EYS: variants seen among roughly 807,000 people sequenced by gnomAD.
EYS encodes the protein EGF-like photoreceptor maintenance factor.
A neutral mutation model predicts 282.1 loss-of-function variants in EYS; 250 were observed. The observed-to-expected ratio is 0.89, with a 90% confidence interval of 0.80 to 0.98. EYS has a LOEUF of 0.98. Among genes scored for constraint, EYS ranks in the 50% least tolerant of loss-of-function variants. EYS has a pLI of 0.00. For synonymous variants in EYS, 1,355 were observed against 1,282.9 expected, an observed-to-expected ratio of 1.06 and a Z score of -1.20; for missense variants, 4,016 against 3,709.0, an observed-to-expected ratio of 1.08 and a Z score of -2.15.
intron 26 of EYS, among the ~76,000 whole-genome samples, chr6:64,520,958 G>C (rs907621970): frequency 6.6e-6 from 1 of 151,718 alleles, no homozygotes; most frequent in African/African-American, 2.4e-5. Flanking sequence ...CAAGTTATTT[G>C]AGCAGAGATA....
At chr6:64,273,764 T>G (rs1768019476) in intron 30 of EYS, among the ~76,000 whole-genome samples, 1 of 152,202 alleles carries the variant, frequency 6.6e-6, no homozygotes, top group Non-Finnish European at 1.5e-5. Context: ...TCTACTTGCA[T>G]GCTTTCTATT....
chr6:64,404,277 T>C (rs1029985785), intron 28 of EYS, among the ~76,000 whole-genome samples: 5 of 152,170 alleles, frequency 3.3e-5, no homozygotes, highest in African/African-American at 9.7e-5. Flanking sequence ...GCATACTCAT[T>C]TGAAACCATA....
chr6:64,637,184 G>A lies in EYS; in HGVS notation c.3444-10939C>T, dbSNP rs1220001951. 3.7e-4 allele frequency among the ~76,000 whole-genome samples: 34 copies of A among 91,836 alleles called. 8 individuals are homozygous for A. Among genetic ancestry groups the A allele is most frequent in the Admixed American group, 1.0e-3 (9 of 8,572 alleles). 60.2% of individuals were successfully genotyped at this position (91,836 alleles called of 152,430 possible). On this transcript the variant is annotated intron_variant, in intron 22 of 42. Coordinates refer to ENST00000503581, the MANE Select transcript of EYS (RefSeq NM_001142800.2). ...CACTATTCACAATAGCAAAGACTTG[G>A]AACCAACCCAAATGTCCAACAATGA...
chr6:65,615,826 T>C (rs1431689462), intron 2 of EYS, among the ~76,000 whole-genome samples: 2 of 151,372 alleles, frequency 1.3e-5, no homozygotes, highest in African/African-American at 2.4e-5. Flanking sequence ...CCCAGCTACT[T>C]GGGAGGCTGA....
chr6:64,917,064 T>C (rs1209488964), intron 15 of EYS, among the ~76,000 whole-genome samples: 2 of 152,018 alleles, frequency 1.3e-5, no homozygotes, highest in Non-Finnish European at 2.9e-5. Context: ...TCCTGGTCAA[T>C]ATGGTGAAAC....
chr6:64,987,168 C>T (rs988879471), intron 14 of EYS, among the ~76,000 whole-genome samples: 4 of 151,476 alleles, frequency 2.6e-5, no homozygotes, highest in Non-Finnish European at 4.4e-5. Context: ...GTATTTCAAT[C>T]TCTGTGGCTA....
chr6:63,910,041 T>C (rs953212393), intron 35 of EYS, among the ~76,000 whole-genome samples: 3 of 152,066 alleles, frequency 2.0e-5, no homozygotes, highest in Non-Finnish European at 4.4e-5. Flanking sequence ...ATATTGTTGC[T>C]TAAGGGGTGG....
At chr6:65,246,073 G>C (rs188310936) in intron 12 of EYS, among the ~76,000 whole-genome samples, 1 of 152,036 alleles carries the variant, frequency 6.6e-6, no homozygotes, top group African/African-American at 2.4e-5. Flanking sequence ...CAATGTGAAA[G>C]ATACACAAAA....
At chr6:64,955,791 C>T (rs1562274806) in intron 14 of EYS, among the ~76,000 whole-genome samples, 2 of 152,254 alleles carry the variant, frequency 1.3e-5, no homozygotes, top group South Asian at 4.1e-4. Context: ...GCAGAACCTA[C>T]GAAAGGCTTT....
chr6:64,871,573 T>C (rs1176363085), intron 19 of EYS, among the ~76,000 whole-genome samples: 8 of 151,786 alleles, frequency 5.3e-5, no homozygotes, highest in African/African-American at 1.9e-4. Context: ...GACAACAGAG[T>C]AAAAGAAATG....
At chr6:65,476,796 C>G (rs1765424867) in intron 5 of EYS, among the ~76,000 whole-genome samples, 1 of 152,196 alleles carries the variant, frequency 6.6e-6, no homozygotes, top group African/African-American at 2.4e-5. Context: ...AGGATGGTCT[C>G]AATCTCTTGA....
intron 19 of EYS, among the ~76,000 whole-genome samples, chr6:64,835,881 G>A (rs1765367506): frequency 1.3e-5 from 2 of 151,582 alleles, no homozygotes; most frequent in African/African-American, 4.8e-5. Context: ...CAGTTCAGTT[G>A]TGAATCAGTA....
chr6:65,102,858 T>C, intron 12 of EYS, among the ~76,000 whole-genome samples: 1 of 151,440 alleles, frequency 6.6e-6, no homozygotes, highest in East Asian at 1.9e-4. Context: ...ATTGTTTTAT[T>C]AGGATATAAT....
intron 26 of EYS, among the ~76,000 whole-genome samples, chr6:64,493,649 TTC>T (rs1427022801): frequency 6.6e-6 from 1 of 151,504 alleles, no homozygotes; most frequent in South Asian, 2.1e-4. Context: ...TTCCATTGTA[TTC>T]TTTTTTTTTA....
intron 5 of EYS, among the ~76,000 whole-genome samples, chr6:65,409,710 T>A (rs1766901423): frequency 6.6e-6 from 1 of 152,158 alleles, no homozygotes; most frequent in Non-Finnish European, 1.5e-5. Context: ...AAAAATTTCT[T>A]ATATCCAACT....
At chr6:64,174,236 T>C (rs1764560940) in intron 31 of EYS, among the ~76,000 whole-genome samples, 1 of 152,178 alleles carries the variant, frequency 6.6e-6, no homozygotes, top group Non-Finnish European at 1.5e-5. Context: ...CTAAGGATCA[T>C]AGTTTTTAAT....
chr6:63,950,973 G>C (rs964729287), intron 35 of EYS, among the ~76,000 whole-genome samples: 10 of 152,154 alleles, frequency 6.6e-5, no homozygotes, highest in African/African-American at 2.4e-4. Context: ...ATGCCTGCTT[G>C]ATTATTCACC....
rs1280712479 is a variant in EYS at position 63,958,912 on chromosome 6, C to T, written c.7055+25471G>A. Among the ~76,000 whole-genome samples the T allele has an allele frequency of 3.3e-5, 5 of 152,156 alleles. No individual in the cohort carries two copies. The East Asian group carries it at 7.7e-4, about 23-fold the overall frequency. On this transcript the variant is annotated intron_variant, in intron 35 of 42. Transcript: ENST00000503581. ...TTGAAATGTGTTCGCTGACAATGCA[C>T]CTGGACACTCAAGAGTTCTGATAGA...
At chr6:64,745,340 A>G (rs1321835839) in intron 22 of EYS, among the ~76,000 whole-genome samples, 1 of 152,188 alleles carries the variant, frequency 6.6e-6, no homozygotes, top group Non-Finnish European at 1.5e-5. Context: ...TAGTAGGTGA[A>G]TAGTGAATTA....
Sources: gnomAD v4.1 joint callset for allele counts (sites outside exome capture counted in the v4.1 genomes callset) on GRCh38, gnomAD v4.1.1 for gene constraint, MANE v1.5 for transcripts, NCBI Gene and HGNC (gene_info 2026-07-23, HGNC 2026-07-21) for gene names.